The following PTPRD variants were observed in gnomAD, a reference collection of about 807,000 sequenced individuals.
The protein encoded by PTPRD is receptor-type tyrosine-protein phosphatase delta.
PTPRD carries 34 observed loss-of-function variants against 214.5 expected under a neutral mutation model. The ratio of observed to expected loss-of-function variants is 0.16; its 90% CI spans 0.12 to 0.21. The LOEUF is 0.21. Ranked by LOEUF, PTPRD falls within the 10% of genes least tolerant of loss-of-function variation. The pLI, the probability that PTPRD is intolerant of heterozygous loss-of-function variation, is 1.00. For synonymous variants in PTPRD, 1,128 were observed against 845.7 expected, an observed-to-expected ratio of 1.33 and a Z score of -5.79; for missense variants, 2,545 against 2,398.7, an observed-to-expected ratio of 1.06 and a Z score of -1.27.
intron 3 of PTPRD, among the ~76,000 whole-genome samples, chr9:10,119,193 C>T (rs1301425286): frequency 6.6e-6 from 1 of 151,882 alleles, no homozygotes; most frequent in Non-Finnish European, 1.5e-5. Context: ...TGGCACAGAG[C>T]TAACCCCCCC....
chr9:10,444,497 G>C (rs1423697045), intron 2 of PTPRD, among the ~76,000 whole-genome samples: 1 of 151,730 alleles, frequency 6.6e-6, no homozygotes. Flanking sequence ...TGAGGTTGTA[G>C]GACATGTGAT....
At chr9:8,757,134 T>G (rs2094052252) in intron 11 of PTPRD, among the ~76,000 whole-genome samples, 1 of 152,082 alleles carries the variant, frequency 6.6e-6, no homozygotes, top group Non-Finnish European at 1.5e-5. Flanking sequence ...AGAGTGAGAC[T>G]CCATCTCAAA....
At chr9:9,918,361 A>AAAC (rs2081544553) in intron 5 of PTPRD, among the ~76,000 whole-genome samples, 1 of 150,434 alleles carries the variant, frequency 6.6e-6, no homozygotes, top group Admixed American at 6.6e-5. Context: ...TAAAAAAAAA[A>AAAC]AAAAAAAAAC....
At chr9:9,078,804 G>A (rs148312046) in intron 10 of PTPRD, among the ~76,000 whole-genome samples, 1 of 152,004 alleles carries the variant, frequency 6.6e-6, no homozygotes, top group Non-Finnish European at 1.5e-5. Flanking sequence ...CCAAAATATT[G>A]GGGCAGTGGG....
rs137983420 is a variant in PTPRD, at chr9:9,176,627, C to A, written c.-143+6677G>T. On this transcript the variant is annotated intron_variant, in intron 10 of 45. Transcript: ENST00000381196. ...GTGAGTAAGCCATGAGGCCTCTGCCCTCATGAATGAATTCATGCTGTTATA... is the reference window on the plus strand; with the variant it reads ...GTGAGTAAGCCATGAGGCCTCTGCCATCATGAATGAATTCATGCTGTTATA... Among the ~76,000 whole-genome samples the A allele has an allele frequency of 1.5e-3, 229 of 152,222 alleles. 1 individual carries two copies. The highest frequency in any genetic ancestry group is 8.1e-4 in the Non-Finnish European group (55 of 68,006).
chr9:10,000,593 A>G (rs1479122478), intron 4 of PTPRD, among the ~76,000 whole-genome samples: 1 of 152,238 alleles, frequency 6.6e-6, no homozygotes, highest in African/African-American at 2.4e-5. Context: ...TACAGGAGTT[A>G]TTAAGAAATA....
chr9:8,916,019 T>C (rs982704879), intron 11 of PTPRD, among the ~76,000 whole-genome samples: 17 of 152,156 alleles, frequency 1.1e-4, no homozygotes, highest in African/African-American at 3.9e-4. Context: ...TGATAGCTGG[T>C]GGTTACATTC....
intron 11 of PTPRD, among the ~76,000 whole-genome samples, chr9:8,739,510 G>C (rs1039094360): frequency 1.3e-5 from 2 of 152,204 alleles, no homozygotes; most frequent in African/African-American, 4.8e-5. Context: ...CATGTGGCTA[G>C]TGGCTACCCT....
At chr9:9,429,804 A>G (rs2082364762) in intron 8 of PTPRD, among the ~76,000 whole-genome samples, 1 of 152,206 alleles carries the variant, frequency 6.6e-6, no homozygotes, top group South Asian at 2.1e-4. Flanking sequence ...CAAAACCCAC[A>G]TGATAGTCTC....
chr9:9,729,832 A>G (rs2098157432), intron 7 of PTPRD, among the ~76,000 whole-genome samples: 1 of 152,128 alleles, frequency 6.6e-6, no homozygotes, highest in Non-Finnish European at 1.5e-5. Flanking sequence ...GGAACACATG[A>G]TTTATGTTCA....
chr9:10,364,607 C>T (rs1012920763), intron 2 of PTPRD, among the ~76,000 whole-genome samples: 8 of 147,910 alleles, frequency 5.4e-5, no homozygotes, highest in Admixed American at 5.3e-4. Flanking sequence ...CCAACTATAT[C>T]TTTAACCTCA....
chr9:8,520,790 T>A (rs971815729), intron 20 of PTPRD, among the ~76,000 whole-genome samples: 13 of 152,198 alleles, frequency 8.5e-5, no homozygotes, highest in African/African-American at 3.1e-4. Context: ...GCCTTTTGAT[T>A]TTTAATAGTA....
intron 5 of PTPRD, among the ~76,000 whole-genome samples, chr9:9,872,529 A>G (rs529908122): frequency 5.3e-5 from 8 of 152,144 alleles, no homozygotes; most frequent in African/African-American, 1.4e-4. Flanking sequence ...TGAGCCGAGG[A>G]TATCGAGGCT....
rs114950607 is a variant in PTPRD at position 8,611,483 on chromosome 9, T to C, written c.352+21834A>G. 9.4e-3 allele frequency among the ~76,000 whole-genome samples: 1,437 copies of C among 152,126 alleles called. 19 individuals are homozygous for C. Among genetic ancestry groups the C allele is most frequent in the African/African-American group, 0.033 (1,357 of 41,526 alleles). ...ACTTTGGAAGCCTGAGGAAGGTGAA[T>C]TGCTTGAGCCCAGGAGTTCGAGACC... On this transcript the variant is annotated intron_variant, in intron 14 of 45. Transcript: ENST00000381196.
At chr9:9,782,800 G>A (rs2098864939) in intron 5 of PTPRD, among the ~76,000 whole-genome samples, 1 of 152,044 alleles carries the variant, frequency 6.6e-6, no homozygotes, top group Non-Finnish European at 1.5e-5. Flanking sequence ...AATCAGCATG[G>A]TATTCTGAAT....
chr9:9,117,220 G>GT (rs77848911), intron 10 of PTPRD, among the ~76,000 whole-genome samples: 3,170 of 134,020 alleles, frequency 0.024, 25 homozygotes, highest in Non-Finnish European at 0.029. Context: ...AGGAAATTAA[G>GT]TTTTTTTTTT....
intron 37 of PTPRD, among the ~76,000 whole-genome samples, chr9:8,386,011 T>C (rs992037569): frequency 6.6e-6 from 1 of 152,190 alleles, no homozygotes; most frequent in African/African-American, 2.4e-5. Flanking sequence ...GGCTATCTTT[T>C]GGGGAAACTG....
chr9:10,553,752 C>A (rs2061861686), intron 2 of PTPRD, among the ~76,000 whole-genome samples: 1 of 151,988 alleles, frequency 6.6e-6, no homozygotes. Context: ...AAGAACTATG[C>A]AGCTAGTTTT....
At chr9:10,015,325 C>G (rs948017979) in intron 4 of PTPRD, among the ~76,000 whole-genome samples, 7 of 152,028 alleles carry the variant, frequency 4.6e-5, no homozygotes, top group African/African-American at 4.8e-5. Context: ...TGTTATTACA[C>G]TAAATAAATA....
Sources: allele counts gnomAD v4.1 joint callset (sites outside exome capture counted in the v4.1 genomes callset), GRCh38; gene constraint gnomAD v4.1.1; transcripts MANE v1.5; gene names NCBI Gene and HGNC (gene_info 2026-07-23, HGNC 2026-07-21).